Variants in LRP2 observed in about 807,000 individuals in gnomAD.
LRP2 encodes low-density lipoprotein receptor-related protein 2.
Under a neutral mutation model 531.0 loss-of-function variants are expected in LRP2, and 172 were observed. That is an observed-to-expected ratio of 0.32 (90% CI 0.29 to 0.37). LRP2 has a LOEUF of 0.37. LRP2 is among the 10% of genes least tolerant of loss of function. The probability of loss-of-function intolerance (pLI) is 1.00; values close to 1 mark genes in which losing one functional copy is unlikely to be tolerated. For missense variants in LRP2, 5,167 were observed against 5,868.3 expected, an observed-to-expected ratio of 0.88 and a Z score of 3.90; for synonymous variants, 1,992 against 2,027.6, an observed-to-expected ratio of 0.98 and a Z score of 0.47.
Position 169,203,962 on chromosome 2 carries a change from T to A in LRP2, c.8005+20A>T. 1 of 1,613,516 alleles carries A rather than the reference T, an allele frequency of 6.2e-7. No homozygotes were observed. Among genetic ancestry groups the A allele is most frequent in the Non-Finnish European group, 8.5e-7 (1 of 1,179,504 alleles). On this transcript the variant is annotated intron_variant, in intron 42 of 78. Transcript: ENST00000649046. The stretch of plus-strand genomic sequence containing the variant: ...TGATCATTATTCTCCATGTTCTAAT[T>A]TTCATGGTCAGTGCCTTACCTGGTG...
rs1489679212 is a variant in LRP2 at position 169,185,897 on chromosome 2, C to T, written c.9451G>A (p.Val3151Ile). The T allele has an allele frequency of 1.9e-6, 3 of 1,613,832 alleles. No homozygotes were observed. The African/African-American group carries it at 4.0e-5, about 22-fold the overall frequency. Reference protein sequence around the residue: ...YKLMSDKRTCVDIDECTEMPF... With the variant: ...YKLMSDKRTCIDIDECTEMPF... ...ATCTCTGTGCATTCATCAATATCAA[C>T]ACAAGTCCGCTTGTCAGACATGAGC... is the stretch of plus-strand genomic sequence containing the variant. Residue 3151 changes from valine (V) to isoleucine (I), a missense_variant, in exon 50 of 79, where the codon GTT becomes ATT. Physicochemically the swap from Val to Ile is conservative, Grantham distance 29 (BLOSUM62 3). Coordinates refer to ENST00000649046, the MANE Select transcript of LRP2 (RefSeq NM_004525.3).
chr2:169,261,752 G>A (rs1271460806), intron 16 of LRP2, among the ~76,000 whole-genome samples: 3 of 152,078 alleles, frequency 2.0e-5, no homozygotes, highest in Non-Finnish European at 4.4e-5. Context: ...TATGAGGCCA[G>A]CATCATCCTG....
In LRP2 at chr2:169,275,140, A is replaced by G; in HGVS notation, c.1871T>C (p.Val624Ala). The part of the protein sequence containing the change: ...VFFTDWTKMA[V>A]LKANKFTETN... Reference sequence around the variant, plus strand: ...CTCTGTGAACTTGTTTGCCTTCAGCACGGCCATCTTTGTCCAATCTGTAAA... The same window carrying G: ...CTCTGTGAACTTGTTTGCCTTCAGCGCGGCCATCTTTGTCCAATCTGTAAA... The change falls in exon 14 of 79, where the codon GTG (valine) becomes GCG (alanine). Residue 624 changes from valine (V) to alanine (A), a missense_variant. Transcript: ENST00000649046. 1.2e-6 allele frequency: 2 copies of G among 1,613,808 alleles called. No individual in the cohort carries two copies. The highest frequency in any genetic ancestry group is 1.1e-5 in the South Asian group (1 of 91,080).
At chr2:169,303,046 C>T (rs1350690510) in intron 4 of LRP2, among the ~76,000 whole-genome samples, 1 of 151,666 alleles carries the variant, frequency 6.6e-6, no homozygotes. Context: ...TGGAATTATA[C>T]AATGTCTAAG....
chr2:169,323,759 A>T (rs1684966518), intron 1 of LRP2, among the ~76,000 whole-genome samples: 1 of 152,026 alleles, frequency 6.6e-6, no homozygotes, highest in South Asian at 2.1e-4. Context: ...CATTCAACCA[A>T]TCCAGTTTTA....
At chr2:169,167,875 G>A (rs1021642357) in intron 61 of LRP2, among the ~76,000 whole-genome samples, 1 of 151,240 alleles carries the variant, frequency 6.6e-6, no homozygotes, top group East Asian at 1.9e-4. Context: ...TTAAAAATAC[G>A]TATGTGCAGG....
At chr2:169,196,051 A>G (rs998026409) in intron 46 of LRP2, among the ~76,000 whole-genome samples, 1 of 152,238 alleles carries the variant, frequency 6.6e-6, no homozygotes, top group Non-Finnish European at 1.5e-5. Context: ...TAACCACTCA[A>G]TGGAATATTA....
rs747665534 is a variant in LRP2, at chr2:169,146,715, A to G, written c.12811+24T>C. 4 of 1,529,278 alleles carry G rather than the reference A, an allele frequency of 2.6e-6. No homozygotes were observed. The South Asian group carries it at 4.5e-5, about 17-fold the overall frequency. The allele number at this position is 1,529,278 out of a possible 1,614,324, so 94.7% of individuals were successfully genotyped here. The stretch of plus-strand genomic sequence containing the variant: ...AATATGTTAATTATTAATTTAATAT[A>G]TTACTTTCTAACTAATTTCTAACCT... On this transcript the variant is annotated intron_variant, in intron 69 of 78. Transcript: ENST00000649046.
At chr2:169,198,061 T>C (rs1559010301) in intron 45 of LRP2, among the ~76,000 whole-genome samples, 1 of 152,202 alleles carries the variant, frequency 6.6e-6, no homozygotes, top group Non-Finnish European at 1.5e-5. Context: ...ATGAACCAAA[T>C]TGCTAAATAC....
chr2:169,337,809 C>G (rs557202798), intron 1 of LRP2, among the ~76,000 whole-genome samples: 1 of 152,256 alleles, frequency 6.6e-6, no homozygotes, highest in Admixed American at 6.5e-5. Flanking sequence ...GCTTACTGAT[C>G]AAGAAACAGA....
chr2:169,165,489 T>TG (rs1328173921), intron 62 of LRP2, among the ~76,000 whole-genome samples: 1 of 152,248 alleles, frequency 6.6e-6, no homozygotes, highest in Non-Finnish European at 1.5e-5. Flanking sequence ...TTAACACCAG[T>TG]GCTGCCTTGC....
Position 169,240,970 on chromosome 2 carries a change from T to C in LRP2, c.4045+18A>G. ...CAGAATGAGTTTATGGCCAGTAAAC[T>C]GTGGTCAGGAAACTTACTGCAAAGT... On this transcript the variant is annotated intron_variant, in intron 25 of 78. Transcript: ENST00000649046. 1.2e-6 allele frequency: 2 copies of C among 1,609,382 alleles called. No homozygotes were observed. The highest frequency in any genetic ancestry group is 2.2e-5 in the South Asian group (2 of 91,070).
At chr2:169,247,646 T>C (rs975721918) in intron 19 of LRP2, 131 bp from the exon 20 acceptor site, 1 of 981,340 alleles carries the variant, frequency 1.0e-6, no homozygotes, top group East Asian at 2.5e-5. Flanking sequence ...ATCTGTAATA[T>C]GTTTCTCTAA....
intron 52 of LRP2, among the ~76,000 whole-genome samples, chr2:169,179,546 C>A (rs1349486859): frequency 1.3e-5 from 2 of 151,948 alleles, no homozygotes; most frequent in African/African-American, 4.8e-5. Flanking sequence ...CATGGAGAAA[C>A]CCTGTCTCTA....
chr2:169,292,262 C>T lies in LRP2; in HGVS notation c.760G>A (p.Asp254Asn). Residue 254 changes from aspartate (D) to asparagine (N), a missense_variant, in exon 7 of 79, where the codon GAT (aspartate) becomes AAT (asparagine). Coordinates refer to ENST00000649046, the MANE Select transcript of LRP2 (RefSeq NM_004525.3). ...EDDCKDNGDEDGCESGPHDVH... is the reference protein window; with the variant it reads ...EDDCKDNGDENGCESGPHDVH... ...CTCTTCCCCTCCTTACCACATCCAT[C>T]TTCATCTCCATTATCTTTACAGTCA... The T allele has an allele frequency of 1.2e-6, 2 of 1,609,516 alleles. No individual in the cohort carries two copies. Among genetic ancestry groups the T allele is most frequent in the Non-Finnish European group, 1.7e-6 (2 of 1,175,812 alleles).
chr2:169,158,524 A>C (rs1305665841), intron 63 of LRP2, among the ~76,000 whole-genome samples: 1 of 152,008 alleles, frequency 6.6e-6, no homozygotes, highest in Non-Finnish European at 1.5e-5. Context: ...CTTGGTTTCA[A>C]AGATGTTAAA....
intron 38 of LRP2, among the ~76,000 whole-genome samples, chr2:169,207,562 A>C (rs1174047675): frequency 6.6e-6 from 1 of 152,218 alleles, no homozygotes. Context: ...CTCCTTTTCT[A>C]TCTGAAGCTC....
chr2:169,219,714 G>A (rs1688919796), intron 34 of LRP2, among the ~76,000 whole-genome samples: 1 of 152,086 alleles, frequency 6.6e-6, no homozygotes, highest in South Asian at 2.1e-4. Flanking sequence ...GAGGGCATGG[G>A]TTGAAAAACT....
At chr2:169,286,979 G>C (rs981086550) in intron 9 of LRP2, among the ~76,000 whole-genome samples, 2 of 152,166 alleles carry the variant, frequency 1.3e-5, no homozygotes, top group Non-Finnish European at 2.9e-5. Flanking sequence ...TAGCAGTGAG[G>C]GGGGAAAAGG....
Sources: allele counts gnomAD v4.1 joint callset (sites outside exome capture counted in the v4.1 genomes callset), GRCh38; gene constraint gnomAD v4.1.1; transcripts MANE v1.5; gene names NCBI Gene and HGNC (gene_info 2026-07-23, HGNC 2026-07-21).